Variants in PRKAG2 observed in about 807,000 individuals in gnomAD.
PRKAG2 encodes 5'-AMP-activated protein kinase subunit gamma-2.
A neutral mutation model predicts 69.6 loss-of-function variants in PRKAG2; 26 were observed. That is an observed-to-expected ratio of 0.37 (90% CI 0.27 to 0.52). The LOEUF (loss-of-function observed/expected upper bound fraction) is 0.52, where lower values mean the gene tolerates loss of function less well. Ranked by LOEUF, PRKAG2 falls within the 20% of genes least tolerant of loss-of-function variation. The pLI is 0.90. For missense variants in PRKAG2, 557 were observed against 740.0 expected (o/e 0.75, Z 2.87); for synonymous variants, 293 against 285.0 (o/e 1.03, Z -0.28).
intron 15 of PRKAG2, chr7:151,559,912 T>C (rs1804528832): frequency 1.0e-6 from 1 of 985,172 alleles, no homozygotes; most frequent in Non-Finnish European, 1.2e-6. Context: ...CTACTGAGTG[T>C]GTGAAATGAG....
At chr7:151,627,525 C>T (rs1001225021) in intron 5 of PRKAG2, among the ~76,000 whole-genome samples, 3 of 151,734 alleles carry the variant, frequency 2.0e-5, no homozygotes, top group African/African-American at 7.3e-5. Flanking sequence ...ACTCAGGAGG[C>T]TGAGGCATGA....
chr7:151,764,607 G>A (rs931796345), intron 3 of PRKAG2, among the ~76,000 whole-genome samples: 4 of 152,222 alleles, frequency 2.6e-5, no homozygotes, highest in South Asian at 2.1e-4. Flanking sequence ...GCTACACCAC[G>A]AGTGCTGTCA....
Position 151,559,238 on chromosome 7 carries a change from C to A in PRKAG2, c.1678+1286G>T, listed in dbSNP as rs963960269. On this transcript the variant is annotated intron_variant, in intron 15 of 15. Coordinates refer to ENST00000287878, the MANE Select transcript of PRKAG2 (RefSeq NM_016203.4). Reference sequence around the variant, plus strand: ...TGAATGCAGCTGTACTGTTCGTTTTCAATCCTGTATCGTATTCCATCGAAT... The same window carrying A: ...TGAATGCAGCTGTACTGTTCGTTTTAAATCCTGTATCGTATTCCATCGAAT... 7 of 975,370 alleles carry A rather than the reference C, an allele frequency of 7.2e-6. No homozygotes were observed. The African/African-American group carries it at 1.2e-4, about 17-fold the overall frequency. The allele number at this position is 975,370 out of a possible 1,614,324, so 60.4% of individuals were successfully genotyped here. A position where few individuals can be genotyped will look rare whatever the true frequency, so the allele number is the denominator to read the frequency against.
intron 6 of PRKAG2, among the ~76,000 whole-genome samples, chr7:151,576,928 A>G (rs766699569): frequency 3.9e-5 from 6 of 152,206 alleles, no homozygotes; most frequent in Non-Finnish European, 7.3e-5. Flanking sequence ...AATTACACCT[A>G]AAGGCATACA....
intron 3 of PRKAG2, among the ~76,000 whole-genome samples, chr7:151,676,309 C>T (rs1248318108): frequency 6.6e-6 from 1 of 151,828 alleles, no homozygotes; most frequent in Non-Finnish European, 1.5e-5. Flanking sequence ...CCTACCAAAA[C>T]GTGCAACATG....
At chr7:151,628,584 C>T (rs970815655) in intron 5 of PRKAG2, among the ~76,000 whole-genome samples, 7 of 152,052 alleles carry the variant, frequency 4.6e-5, no homozygotes, top group African/African-American at 1.4e-4. Context: ...TGGTGGCATG[C>T]GCCTGTAGTC....
chr7:151,593,135 T>G (rs1444493658), intron 6 of PRKAG2, among the ~76,000 whole-genome samples: 2 of 152,240 alleles, frequency 1.3e-5, no homozygotes, highest in Admixed American at 1.3e-4. Flanking sequence ...CCAAAATGAG[T>G]AATACATGGA....
chr7:151,675,386 C>T lies in PRKAG2; in HGVS notation c.684+34G>A, dbSNP rs372484263. The T allele has an allele frequency of 1.0e-3, 1,626 of 1,595,182 alleles. 5 individuals carry two copies. The highest frequency in any genetic ancestry group is 2.3e-3 in the Middle Eastern group (14 of 6,036). ...ACTGCTCTGCCCTCCCTCTGCCACC[C>T]GGCAGCCCCACCCACAGAAGGGCCC... On this transcript the variant is annotated intron_variant, in intron 4 of 15. Coordinates refer to ENST00000287878, the MANE Select transcript of PRKAG2 (RefSeq NM_016203.4).
Position 151,803,709 on chromosome 7 carries a change from TTG to T in PRKAG2, c.115-17170_115-17169del, listed in dbSNP as rs577540872. Among the ~76,000 whole-genome samples the T allele has an allele frequency of 2.5e-3, 372 of 151,660 alleles. 2 individuals are homozygous for T. The highest frequency in any genetic ancestry group is 0.01 in the Middle Eastern group (3 of 292). On this transcript the variant is annotated intron_variant, in intron 1 of 15. Transcript: ENST00000287878. ...GAGAGCAACGGCTATATTATCCAGC[TTG>T]TTTTTTTTTTTTTAAGAAGTAAATT...
At chr7:151,594,199 G>A (rs1388013514) in intron 6 of PRKAG2, among the ~76,000 whole-genome samples, 4 of 152,222 alleles carry the variant, frequency 2.6e-5, no homozygotes, top group Non-Finnish European at 5.9e-5. Flanking sequence ...CTTGCTGGGT[G>A]TCTTCCCCTG....
At position 151,749,848 on chromosome 7, in the gene PRKAG2, G is replaced by A. The variant is rs540868014; in HGVS notation, c.466+31304C>T. ...ATGGTGGCTCATGCCTGTCATCTCAGCACTTTGGGAGGCCGAGGTGGGCAG... is the reference window on the plus strand; with the variant it reads ...ATGGTGGCTCATGCCTGTCATCTCAACACTTTGGGAGGCCGAGGTGGGCAG... On this transcript the variant is annotated intron_variant, in intron 3 of 15. Transcript: ENST00000287878. Among the ~76,000 whole-genome samples the A allele has an allele frequency of 3.3e-5, 5 of 151,166 alleles. No individual in the cohort carries two copies. The South Asian group carries it at 1.0e-3, about 32-fold the overall frequency.
intron 1 of PRKAG2, among the ~76,000 whole-genome samples, chr7:151,794,290 G>A (rs1320621301): frequency 6.6e-6 from 1 of 152,268 alleles, no homozygotes; most frequent in African/African-American, 2.4e-5. Flanking sequence ...TCAAAACCAA[G>A]TAGCTGCAGA....
At chr7:151,625,940 T>C (rs1413697678) in intron 5 of PRKAG2, among the ~76,000 whole-genome samples, 4 of 152,040 alleles carry the variant, frequency 2.6e-5, no homozygotes, top group Non-Finnish European at 5.9e-5. Flanking sequence ...GGGAATCGTA[T>C]GGGATGTGAG....
intron 5 of PRKAG2, among the ~76,000 whole-genome samples, chr7:151,596,568 G>A (rs879528484): frequency 6.6e-6 from 1 of 152,032 alleles, no homozygotes; most frequent in Non-Finnish European, 1.5e-5. Context: ...GGCCAATATG[G>A]AGAAACCCCG....
intron 3 of PRKAG2, among the ~76,000 whole-genome samples, chr7:151,693,744 G>A (rs1836094092): frequency 1.3e-5 from 2 of 152,172 alleles, no homozygotes; most frequent in African/African-American, 4.8e-5. Context: ...GGACCGCAGA[G>A]AGACCCCTCC....
At chr7:151,580,957 TATGTA>T (rs1810319536) in intron 6 of PRKAG2, among the ~76,000 whole-genome samples, 3 of 152,224 alleles carry the variant, frequency 2.0e-5, no homozygotes, top group South Asian at 2.1e-4. Flanking sequence ...AATTGGGATG[TATGTA>T]ATGTAAAGAA....
rs770673359 is a variant in PRKAG2 at position 151,781,135 on chromosome 7, T to C, written c.466+17A>G. 8 of 1,613,360 alleles carry C rather than the reference T, an allele frequency of 5.0e-6. No individual in the cohort carries two copies. The highest frequency in any genetic ancestry group is 1.7e-5 in the Admixed American group (1 of 60,002). On this transcript the variant is annotated intron_variant, in intron 3 of 15. Transcript: ENST00000287878. This position sits in a 1 kb window ranked among gnomAD's most constrained non-coding sequence, Gnocchi z 6.1. Reference sequence around the variant, plus strand: ...GCACCCCAGCACCCACCTGAAACAATAGCATCAAGGTCTTACTTTTTCTGG... The same window carrying C: ...GCACCCCAGCACCCACCTGAAACAACAGCATCAAGGTCTTACTTTTTCTGG...
At position 151,874,036 on chromosome 7, in the gene PRKAG2, TATG is replaced by T. The variant is rs572338829; in HGVS notation, c.114+2468_114+2470del. Among the ~76,000 whole-genome samples the T allele has an allele frequency of 8.0e-3, 1,071 of 133,304 alleles. 33 individuals carry two copies. The highest frequency in any genetic ancestry group is 0.01 in the Non-Finnish European group (628 of 61,162). 87.5% of individuals were successfully genotyped at this position (133,304 alleles called of 152,430 possible). A position where few individuals can be genotyped will look rare whatever the true frequency, so the allele number is the denominator to read the frequency against. ...AGTATATGTATATGATGTATATGTA[TATG>T]ATGTATATGTATGTATATGTATATG... is the stretch of plus-strand genomic sequence containing the variant. On this transcript the variant is annotated intron_variant, in intron 1 of 15. Coordinates refer to ENST00000287878, the MANE Select transcript of PRKAG2 (RefSeq NM_016203.4).
chr7:151,773,308 T>G (rs2076180586), intron 3 of PRKAG2, among the ~76,000 whole-genome samples: 1 of 152,216 alleles, frequency 6.6e-6, no homozygotes, highest in African/African-American at 2.4e-5. Context: ...CACTTTTATC[T>G]ATTTTTTCGT....
Sources: allele counts gnomAD v4.1 joint callset (sites outside exome capture counted in the v4.1 genomes callset), GRCh38; gene constraint gnomAD v4.1.1; non-coding constraint Gnocchi (gnomAD v3.1); transcripts MANE v1.5; gene names NCBI Gene and HGNC (gene_info 2026-07-23, HGNC 2026-07-21).